The following CBLC variants were observed in gnomAD, a reference collection of about 807,000 sequenced individuals.
CBLC encodes the protein E3 ubiquitin-protein ligase CBL-C.
Under a neutral mutation model 58.6 loss-of-function variants are expected in CBLC, and 46 were observed. The observed-to-expected ratio is 0.79, with a 90% CI of 0.62 to 1.00. The LOEUF is 1.00. CBLC is among the 50% of genes least tolerant of loss of function. The pLI, the probability that CBLC is intolerant of heterozygous loss-of-function variation, is 0.00. For synonymous variants in CBLC, 271 were observed against 264.2 expected (o/e 1.03, Z -0.25); for missense variants, 655 against 625.8 (o/e 1.05, Z -0.50).
Position 44,793,583 on chromosome 19 carries a change from G to C in CBLC, c.1247G>C (p.Ser416Thr), listed in dbSNP as rs764271266. ...GCTACTGCTGAGGACTCAGGGAACA[G>C]CAGTGACCAGGAAGGCAGGGAGTTG... ...GQATAEDSGN[S>T]SDQEGRELEL... The change falls in exon 8 of 11, where the codon AGC becomes ACC. Residue 416 changes from serine to threonine, a missense_variant. Around this residue, in one of 3 missense-constraint regions of CBLC, gnomAD observed 371 missense variants for 370.8 expected, o/e 1.00. Coordinates refer to ENST00000647358, the MANE Select transcript of CBLC (RefSeq NM_012116.4). The C allele has an allele frequency of 2.5e-6, 4 of 1,606,314 alleles. No homozygotes were observed. The highest frequency in any genetic ancestry group is 3.4e-6 in the Non-Finnish European group (4 of 1,178,254).
At chr19:44,784,952 T>TTTTTG (rs1967852456) in intron 5 of CBLC, among the ~76,000 whole-genome samples, 2 of 79,496 alleles carry the variant, frequency 2.5e-5, no homozygotes, top group South Asian at 1.1e-3. Context: ...AGACAGGTGT[T>TTTTTG]TTTTTTTTTT....
intron 5 of CBLC, among the ~76,000 whole-genome samples, chr19:44,788,479 C>CTTT (rs1293573931): frequency 5.9e-5 from 7 of 118,578 alleles, no homozygotes; most frequent in Admixed American, 8.6e-5. Context: ...TTTAAAATTT[C>CTTT]TTTTTTTTTT....
chr19:44,793,665 T>A, intron 8 of CBLC, 45 bp downstream of exon 8: 1 of 1,545,126 alleles, frequency 6.5e-7, no homozygotes, highest in Non-Finnish European at 8.8e-7. Flanking sequence ...TCCTGAGGCC[T>A]GAGTGGGGAG....
intron 9 of CBLC, among the ~76,000 whole-genome samples, chr19:44,795,904 G>A (rs960890266): frequency 5.3e-5 from 8 of 152,092 alleles, no homozygotes; most frequent in Admixed American, 5.3e-4. Flanking sequence ...CTTCCCAACA[G>A]CCCTATGAAG....
intron 6 of CBLC, among the ~76,000 whole-genome samples, chr19:44,790,609 A>G (rs1217904280): frequency 6.6e-6 from 1 of 151,202 alleles, no homozygotes; most frequent in East Asian, 2.0e-4. Context: ...TAATTTTTGT[A>G]TTTCTCTGTA....
chr19:44,797,627 C>T (rs1654727139), intron 9 of CBLC, among the ~76,000 whole-genome samples: 1 of 142,808 alleles, frequency 7.0e-6, no homozygotes, highest in Non-Finnish European at 1.5e-5. Context: ...TGGTGGCGTG[C>T]ACCTGTAATC....
chr19:44,790,882 G>A (rs575474565), intron 6 of CBLC, among the ~76,000 whole-genome samples: 4 of 152,120 alleles, frequency 2.6e-5, no homozygotes, highest in Non-Finnish European at 4.4e-5. Context: ...GGCCGAGGCC[G>A]GCAGATCACC....
chr19:44,796,514 A>G (rs1968181036), intron 9 of CBLC, among the ~76,000 whole-genome samples: 1 of 151,946 alleles, frequency 6.6e-6, no homozygotes, highest in East Asian at 2.0e-4. Context: ...CCTCCTGAGT[A>G]GCTGGGATTA....
At chr19:44,790,448 AT>A (rs1262778597) in intron 6 of CBLC, among the ~76,000 whole-genome samples, 1 of 152,038 alleles carries the variant, frequency 6.6e-6, no homozygotes, top group East Asian at 1.9e-4. Context: ...ATTTATTTTT[AT>A]TTTTAGAGAC....
intron 9 of CBLC, among the ~76,000 whole-genome samples, chr19:44,799,310 C>T (rs535201692): frequency 6.6e-6 from 1 of 152,232 alleles, no homozygotes; most frequent in South Asian, 2.1e-4. Flanking sequence ...GCACTCCAGA[C>T]GAGGCAACAG....
chr19:44,784,470 A>G (rs1599861766), intron 5 of CBLC, 69 bp downstream of exon 5: 1 of 1,448,910 alleles, frequency 6.9e-7, no homozygotes, highest in East Asian at 2.4e-5. Context: ...CATGTTGTGC[A>G]CTGCCGGTGG....
At chr19:44,796,385 T>TAAAAC (rs1968178869) in intron 9 of CBLC, among the ~76,000 whole-genome samples, 1 of 152,110 alleles carries the variant, frequency 6.6e-6, no homozygotes, top group African/African-American at 2.4e-5. Context: ...TTTCTTTGTT[T>TAAAAC]GTTTGTTTTT....
At chr19:44,784,960 T>TG (rs1568558687) in intron 5 of CBLC, among the ~76,000 whole-genome samples, 3 of 91,588 alleles carry the variant, frequency 3.3e-5, no homozygotes, top group African/African-American at 5.4e-5. Flanking sequence ...GTTTTTTTTT[T>TG]TTTTTTTTTT....
At chr19:44,797,375 C>T (rs1370608812) in intron 9 of CBLC, among the ~76,000 whole-genome samples, 2 of 151,556 alleles carry the variant, frequency 1.3e-5, no homozygotes, top group East Asian at 2.0e-4. Context: ...CTCAGCCTCC[C>T]GAGTAGATGG....
At chr19:44,785,557 T>C (rs1403327636) in intron 5 of CBLC, among the ~76,000 whole-genome samples, 2 of 140,730 alleles carry the variant, frequency 1.4e-5, no homozygotes, top group African/African-American at 5.5e-5. Flanking sequence ...GATAGATAGA[T>C]AGATAGATAG....
rs946026241 is a variant in CBLC, at chr19:44,784,488, G to A, written c.917+87G>A. The stretch of plus-strand genomic sequence containing the variant: ...GTTGTGCACTGCCGGTGGCCACCAC[G>A]TTTGAGGGTGCAACCATTCACATAG... On this transcript the variant is annotated intron_variant, in intron 5 of 10. Coordinates refer to ENST00000647358, the MANE Select transcript of CBLC (RefSeq NM_012116.4). 7 of 1,323,304 alleles carry A rather than the reference G, an allele frequency of 5.3e-6. No individual in the cohort carries two copies. The South Asian group carries it at 6.1e-5, about 12-fold the overall frequency. 82.0% of individuals were successfully genotyped at this position (1,323,304 alleles called of 1,614,324 possible). A position where few individuals can be genotyped will look rare whatever the true frequency, so the allele number is the denominator to read the frequency against.
At chr19:44,786,217 G>A (rs1967902985) in intron 5 of CBLC, among the ~76,000 whole-genome samples, 2 of 151,828 alleles carry the variant, frequency 1.3e-5, no homozygotes, top group Admixed American at 1.3e-4. Flanking sequence ...ACAGGTGCAC[G>A]CCACCACGCC....
At chr19:44,792,727 C>T (rs140432391) in intron 7 of CBLC, among the ~76,000 whole-genome samples, 356 of 152,290 alleles carry the variant, frequency 2.3e-3, no homozygotes, top group African/African-American at 8.0e-3. Context: ...TCTCCCTCTC[C>T]GGCAATGTTA....
chr19:44,796,650 G>T (rs1007914564), intron 9 of CBLC, among the ~76,000 whole-genome samples: 7 of 152,102 alleles, frequency 4.6e-5, no homozygotes, highest in African/African-American at 1.7e-4. Flanking sequence ...CTCCCAAAGT[G>T]CTGGGATTAC....
Sources: allele counts gnomAD v4.1 joint callset (sites outside exome capture counted in the v4.1 genomes callset), GRCh38; gene constraint gnomAD v4.1.1; regional missense constraint gnomAD v4.1.1; transcripts MANE v1.5; gene names NCBI Gene and HGNC (gene_info 2026-07-23, HGNC 2026-07-21).